The following TMEM185A variants were observed in gnomAD, a reference collection of about 807,000 sequenced individuals.
The protein encoded by TMEM185A is family with sequence similarity 11, member A.
TMEM185A carries 9 observed loss-of-function variants against 25.0 expected under a neutral mutation model. That is an observed-to-expected ratio of 0.36 (90% CI 0.22 to 0.63). TMEM185A has a LOEUF of 0.63. Ranked by LOEUF, TMEM185A falls within the 20% of genes least tolerant of loss-of-function variation. The pLI is 0.68. For synonymous variants in TMEM185A, 45 were observed against 93.5 expected (o/e 0.48, Z 2.99); for missense variants, 103 against 237.4 (o/e 0.43, Z 3.72).
intron 3 of TMEM185A, among the ~76,000 whole-genome samples, chrX:149,607,471 C>G (rs2124208062): frequency 8.9e-6 from 1 of 112,872 alleles, no homozygotes; most frequent in Admixed American, 9.3e-5. Flanking sequence ...AATGACTTAT[C>G]TTCTCTGGAC....
At chrX:149,604,701 G>A (rs2090036876) in intron 3 of TMEM185A, among the ~76,000 whole-genome samples, 1 of 111,306 alleles carries the variant, frequency 9.0e-6, no homozygotes, top group South Asian at 3.8e-4. Context: ...GAATATGCAA[G>A]CCCCTACTAT....
chrX:149,621,676 C>T (rs2090140601), intron 1 of TMEM185A, among the ~76,000 whole-genome samples: 1 of 111,880 alleles, frequency 8.9e-6, no homozygotes, highest in Non-Finnish European at 1.9e-5. Context: ...GACTATGCTA[C>T]TGAAGGCTCT....
intron 2 of TMEM185A, among the ~76,000 whole-genome samples, chrX:149,609,533 T>C (rs2090070657): frequency 8.9e-6 from 1 of 112,562 alleles, no homozygotes; most frequent in Non-Finnish European, 1.9e-5. Flanking sequence ...CCTTAACAGA[T>C]CTACAATTGA....
At chrX:149,608,087 T>C (rs1168725192) in intron 3 of TMEM185A, among the ~76,000 whole-genome samples, 6 of 112,042 alleles carry the variant, frequency 5.4e-5, no homozygotes, top group Non-Finnish European at 9.4e-5. Flanking sequence ...TTTATACATA[T>C]ATCTGTATCT....
chrX:149,608,372 C>T, intron 3 of TMEM185A: 1 of 247,232 alleles, frequency 4.0e-6, no homozygotes, highest in East Asian at 7.0e-5. Flanking sequence ...ATTCTGTCAC[C>T]CAGGCTGGAG....
Position 149,631,735 on chromosome X carries a change from T to C in TMEM185A, c.-155A>G, listed in dbSNP as rs182166465. ...GTCCCCGCTGCCGTCGCCGTCGCCG[T>C]CGCCGCCGCCGCCGCCGCCGCCGCC... On this transcript the variant is annotated 5_prime_UTR_variant, in exon 1 of 7. Coordinates refer to ENST00000600449, the MANE Select transcript of TMEM185A (RefSeq NM_032508.4). The C allele has an allele frequency of 4.1e-4, 138 of 335,595 alleles. 2 individuals are homozygous for C. Among genetic ancestry groups the C allele is most frequent in the East Asian group, 2.6e-3 (36 of 13,620 alleles). 27.7% of individuals were successfully genotyped at this position (335,595 alleles called of 1,213,427 possible).
At chrX:149,607,823 T>C (rs782324183) in intron 3 of TMEM185A, among the ~76,000 whole-genome samples, 9 of 111,780 alleles carry the variant, frequency 8.1e-5, no homozygotes, top group Non-Finnish European at 1.3e-4. Context: ...ACCCAGTTAT[T>C]TAATCAAACA....
chrX:149,618,905 A>G (rs1350454224), intron 1 of TMEM185A, among the ~76,000 whole-genome samples: 1 of 112,039 alleles, frequency 8.9e-6, no homozygotes, highest in Non-Finnish European at 1.9e-5. Flanking sequence ...TTCTGTTGCA[A>G]TACATTGTTT....
chrX:149,621,099 G>A (rs1373290319), intron 1 of TMEM185A, among the ~76,000 whole-genome samples: 1 of 111,767 alleles, frequency 8.9e-6, no homozygotes, highest in Non-Finnish European at 1.9e-5. Flanking sequence ...AGAAATTAGT[G>A]GATTCAAACA....
intron 1 of TMEM185A, among the ~76,000 whole-genome samples, chrX:149,629,215 A>T (rs898143364): frequency 6.3e-5 from 7 of 111,697 alleles, no homozygotes; most frequent in Non-Finnish European, 7.5e-5. Context: ...AGAGGAAAAG[A>T]GAGGGAAACA....
intron 3 of TMEM185A, among the ~76,000 whole-genome samples, chrX:149,605,365 A>T (rs1461464470): frequency 1.6e-4 from 14 of 86,998 alleles, no homozygotes; most frequent in Admixed American, 3.6e-4. Context: ...ATGGCCTCCC[A>T]TGTCACTTTC....
At chrX:149,603,870 G>T in intron 4 of TMEM185A, 117 bp downstream of exon 4, 1 of 546,304 alleles carries the variant, frequency 1.8e-6, no homozygotes, top group Non-Finnish European at 2.9e-6. Context: ...GTGGGATTAT[G>T]GGTGACTATT....
chrX:149,626,864 C>G (rs188890684), intron 1 of TMEM185A, among the ~76,000 whole-genome samples: 213 of 112,384 alleles, frequency 1.9e-3, no homozygotes, highest in Non-Finnish European at 3.3e-3. Flanking sequence ...TTTACCCAAA[C>G]AACTCAGTGT....
intron 1 of TMEM185A, among the ~76,000 whole-genome samples, chrX:149,631,164 G>A (rs1437822240): frequency 9.1e-6 from 1 of 110,091 alleles, no homozygotes; most frequent in Non-Finnish European, 1.9e-5. Context: ...GGTCGAGTGA[G>A]ACGGCCCTGA....
intron 1 of TMEM185A, among the ~76,000 whole-genome samples, chrX:149,618,410 G>T (rs1287719025): frequency 9.0e-6 from 1 of 110,682 alleles, no homozygotes; most frequent in Non-Finnish European, 1.9e-5. Flanking sequence ...GATTCAGAGG[G>T]GTTGCTAAAA....
At chrX:149,623,322 G>T (rs1557355694) in intron 1 of TMEM185A, among the ~76,000 whole-genome samples, 1 of 111,586 alleles carries the variant, frequency 9.0e-6, no homozygotes, top group African/African-American at 3.3e-5. Flanking sequence ...TCAAGGTAAA[G>T]TCCTTGGAAT....
chrX:149,629,245 T>C (rs782392094), intron 1 of TMEM185A, among the ~76,000 whole-genome samples: 6 of 111,390 alleles, frequency 5.4e-5, no homozygotes, highest in African/African-American at 2.0e-4. Context: ...AAGAGAACAG[T>C]GTGTGACAAG....
intron 1 of TMEM185A, among the ~76,000 whole-genome samples, chrX:149,628,008 T>C (rs1261204763): frequency 1.8e-5 from 2 of 112,065 alleles, no homozygotes; most frequent in South Asian, 3.8e-4. Context: ...AGATGGAGCA[T>C]ACAGAAGTCT....
At position 149,627,813 on chromosome X, in the gene TMEM185A, T is replaced by C. The variant is rs782332397; in HGVS notation, c.38+3730A>G. Among the ~76,000 whole-genome samples the C allele has an allele frequency of 3.6e-5, 4 of 112,564 alleles. No homozygotes were observed. In the South Asian group the frequency reaches 1.5e-3, roughly 42 times the overall value. ...TTATTTTTGTACTTAGAGCACCTAG[T>C]ACATCACTTGGCACGAGATAGGAAT... On this transcript the variant is annotated intron_variant, in intron 1 of 6. Coordinates refer to ENST00000600449, the MANE Select transcript of TMEM185A (RefSeq NM_032508.4).
Sources: gnomAD v4.1 joint callset for allele counts (sites outside exome capture counted in the v4.1 genomes callset) on GRCh38, gnomAD v4.1.1 for gene constraint, MANE v1.5 for transcripts, NCBI Gene and HGNC (gene_info 2026-07-23, HGNC 2026-07-21) for gene names.